Variants in SECISBP2 observed in about 807,000 individuals in gnomAD.
SECISBP2 encodes the protein SECIS binding protein 2, also known as selenocysteine insertion sequence-binding protein 2.
In SECISBP2, 96 loss-of-function variants were observed where a neutral mutation model predicts 98.2. The observed-to-expected ratio is 0.98, with a 90% CI of 0.83 to 1.16. The LOEUF (loss-of-function observed/expected upper bound fraction) is 1.16. Among genes scored for constraint, SECISBP2 ranks in the 50% most tolerant of loss-of-function variants. SECISBP2 has a pLI of 0.00. For synonymous variants in SECISBP2, 407 were observed against 370.2 expected (o/e 1.10, Z -1.14); for missense variants, 1,046 against 1,022.9 (o/e 1.02, Z -0.31).
chr9:89,355,017 C>T (rs1284771453), intron 14 of SECISBP2: 1 of 985,336 alleles, frequency 1.0e-6, no homozygotes, highest in African/African-American at 1.7e-5. Flanking sequence ...AGGAGGCTGC[C>T]TCCTCATCAC....
chr9:89,341,589 G>C (rs758006595), intron 10 of SECISBP2, 110 bp downstream of exon 10: 64 of 1,312,602 alleles, frequency 4.9e-5, no homozygotes, highest in Admixed American at 3.7e-4. Context: ...AAAACAGTGT[G>C]ATGCTAGAAT....
downstream of SECISBP2, chr9:89,362,308 G>A (rs758578418): frequency 8.1e-6 from 13 of 1,608,578 alleles, no homozygotes; most frequent in Non-Finnish European, 1.7e-6. Flanking sequence ...GTTCACAGTT[G>A]TGGGGGACCA....
At chr9:89,320,779 A>T (rs1420076121) in intron 2 of SECISBP2, among the ~76,000 whole-genome samples, 1 of 152,240 alleles carries the variant, frequency 6.6e-6, no homozygotes, top group African/African-American at 2.4e-5. Flanking sequence ...TAGACAAAAA[A>T]AGTATTAATC....
intron 2 of SECISBP2, chr9:89,324,341 T>G (rs1321199597): frequency 6.6e-6 from 1 of 152,236 alleles, no homozygotes; most frequent in Non-Finnish European, 1.5e-5. Flanking sequence ...ATTAGGAATA[T>G]TTCATGTTAA....
At chr9:89,360,914 T>C (rs1295474788), downstream of SECISBP2, 2 of 152,212 alleles carry the variant, frequency 1.3e-5, no homozygotes, top group Admixed American at 6.5e-5. Context: ...GTAATTATTT[T>C]GTTAAGTGTG....
intron 9 of SECISBP2, among the ~76,000 whole-genome samples, chr9:89,340,732 G>A (rs760418934): frequency 1.8e-4 from 27 of 152,160 alleles, no homozygotes; most frequent in Non-Finnish European, 3.7e-4. Context: ...AGAATGGAGC[G>A]GAGGCACTAA....
intron 16 of SECISBP2, 59 bp from the exon 17 acceptor site, chr9:89,358,662 A>G: frequency 8.8e-7 from 1 of 1,139,574 alleles, no homozygotes; most frequent in Non-Finnish European, 1.3e-6. Context: ...TGGTTTTCTT[A>G]CAGGAGTTTT....
chr9:89,363,306 C>T, downstream of SECISBP2: 1 of 1,409,298 alleles, frequency 7.1e-7, no homozygotes, highest in South Asian at 1.4e-5. Flanking sequence ...GGAAACTGCT[C>T]CGGGGCTAAG....
chr9:89,318,928 C>T, intron 1 of SECISBP2: 2 of 1,209,358 alleles, frequency 1.7e-6, no homozygotes, highest in Non-Finnish European at 1.0e-6. Flanking sequence ...TTCCCGCGCT[C>T]TTGGGAACGG....
intron 5 of SECISBP2, 128 bp from the exon 6 acceptor site, chr9:89,332,780 G>A (rs896024581): frequency 4.0e-5 from 31 of 770,152 alleles, no homozygotes; most frequent in African/African-American, 2.9e-4. Context: ...TGGCTGTAAC[G>A]TTTTTCATTC....
At chr9:89,329,106 G>GTT in intron 5 of SECISBP2, 1 of 484,630 alleles carries the variant, frequency 2.1e-6, no homozygotes, top group South Asian at 2.2e-5. Flanking sequence ...TTATTTGTGC[G>GTT]TTTTGTTTTG....
chr9:89,349,908 TC>T lies in SECISBP2; in HGVS notation c.1873del (p.His625ThrfsTer53). On this transcript the variant is annotated frameshift_variant, in exon 13 of 17. Transcript: ENST00000375807. LOFTEE classifies it high-confidence loss of function. ...CCCAATCACACCACCTTCCCTAAGA[TC>T]CACAGCCGCAGATTCAGGGAGTGAG... Reference protein sequence around the residue: ...LAPNHTTFPKIHSRRFRDYCS... With the variant: ...LAPNHTTFPKXHSRRFRDYCS... 1.2e-6 allele frequency: 2 copies of T among 1,614,154 alleles called. No individual in the cohort carries two copies. Among genetic ancestry groups the T allele is most frequent in the Non-Finnish European group, 1.7e-6 (2 of 1,180,020 alleles).
chr9:89,364,223 CTTTCTTGCAGCGCTGTGCTGGT>C, downstream of SECISBP2: 2 of 578,018 alleles, frequency 3.5e-6, no homozygotes, highest in Non-Finnish European at 5.9e-6. Flanking sequence ...CTAGGACCCC[CTTTCTTGCAGCGCTGTGCTGGT>C]TTCTTACAGA....
chr9:89,360,930 G>A (rs569869952), downstream of SECISBP2: 1 of 152,316 alleles, frequency 6.6e-6, no homozygotes, highest in East Asian at 1.9e-4. Context: ...GTGTGAAAGT[G>A]CTTGAAATCC....
At chr9:89,361,095 A>G (rs568552532), downstream of SECISBP2, 1 of 152,350 alleles carries the variant, frequency 6.6e-6, no homozygotes, top group African/African-American at 2.4e-5. Flanking sequence ...GGTTATGAGT[A>G]TGTGATGGTT....
intron 6 of SECISBP2, 86 bp from the exon 7 acceptor site, chr9:89,334,436 T>C: frequency 2.8e-6 from 3 of 1,074,684 alleles, no homozygotes; most frequent in Non-Finnish European, 4.3e-6. Context: ...TCTGAGCAGT[T>C]ACCTCATGTA....
downstream of SECISBP2, among the ~76,000 whole-genome samples, chr9:89,362,960 T>C (rs1459125038): frequency 6.6e-6 from 1 of 152,186 alleles, no homozygotes; most frequent in East Asian, 1.9e-4. Context: ...TTCCATGCTG[T>C]AGCCCAGTTC....
chr9:89,362,138 C>T (rs971401756), downstream of SECISBP2: 14 of 586,452 alleles, frequency 2.4e-5, no homozygotes, highest in East Asian at 3.6e-4. Flanking sequence ...TGGTTACCTG[C>T]TTGTGCCAGA....
At chr9:89,354,816 G>C in intron 14 of SECISBP2, 1 of 985,424 alleles carries the variant, frequency 1.0e-6, no homozygotes, top group Non-Finnish European at 1.2e-6. Context: ...GTGGACACCA[G>C]GCAGAGACCC....
Sources: gnomAD v4.1 joint callset for allele counts (sites outside exome capture counted in the v4.1 genomes callset) on GRCh38, gnomAD v4.1.1 for gene constraint, MANE v1.5 for transcripts, NCBI Gene and HGNC (gene_info 2026-07-23, HGNC 2026-07-21) for gene names.